MEIOC: variants seen among roughly 807,000 people sequenced by gnomAD.
MEIOC encodes the protein meiosis-specific coiled-coil domain-containing protein MEIOC.
Under a neutral mutation model 85.3 loss-of-function variants are expected in MEIOC, and 9 were observed. The observed-to-expected ratio is 0.11, with a 90% CI of 0.06 to 0.18. MEIOC has a LOEUF of 0.18. Among genes scored for constraint, MEIOC ranks in the 10% least tolerant of loss-of-function variants. The pLI is 1.00. For missense variants in MEIOC, 898 were observed against 1,129.4 expected, an observed-to-expected ratio of 0.80 and a Z score of 2.94; for synonymous variants, 365 against 393.7, an observed-to-expected ratio of 0.93 and a Z score of 0.86.
At chr17:44,676,062 A>AAAAGCTTTCATT (rs1247527870), downstream of MEIOC, 2 of 152,274 alleles carry the variant, frequency 1.3e-5, no homozygotes, top group Non-Finnish European at 2.9e-5. Context: ...CTTTTACATG[A>AAAAGCTTTCATT]TACTGGTCAG....
intron 2 of MEIOC, among the ~76,000 whole-genome samples, chr17:44,657,773 G>A (rs1189472372): frequency 6.6e-6 from 1 of 151,970 alleles, no homozygotes; most frequent in African/African-American, 2.4e-5. Context: ...GGCTGGTCTC[G>A]AACTCCCAAC....
chr17:44,660,816 G>A (rs535752691), intron 2 of MEIOC, among the ~76,000 whole-genome samples: 12 of 151,974 alleles, frequency 7.9e-5, no homozygotes, highest in East Asian at 1.9e-4. Flanking sequence ...CCCAAGGCCC[G>A]GCAAAGTGAC....
intron 2 of MEIOC, 32 bp from the exon 3 acceptor site, chr17:44,662,285 T>G: frequency 1.3e-6 from 2 of 1,491,250 alleles, no homozygotes; most frequent in Non-Finnish European, 1.8e-6. Flanking sequence ...GAAGTTTTGA[T>G]GTGTCTGATA....
At position 44,668,071 on chromosome 17, in the gene MEIOC, T is replaced by G; in HGVS notation, c.2160T>G (p.Pro720=). 1 of 1,613,388 alleles carries G rather than the reference T, an allele frequency of 6.2e-7. No homozygotes were observed. Among genetic ancestry groups the G allele is most frequent in the Non-Finnish European group, 8.5e-7 (1 of 1,179,478 alleles). ...LSYDDLSHLY[P]YFNMMYGDNS... ...ATGATGACTTAAGCCATTTGTACCCTTATTTTAATATGATGTATGGTGATA... is the reference window on the plus strand; with the variant it reads ...ATGATGACTTAAGCCATTTGTACCCGTATTTTAATATGATGTATGGTGATA... The change falls in exon 5 of 8, where the codon CCT becomes CCG. Residue 720 remains proline (P), a synonymous_variant. Coordinates refer to ENST00000409122, the MANE Select transcript of MEIOC (RefSeq NM_001145080.3).
intron 2 of MEIOC, among the ~76,000 whole-genome samples, chr17:44,659,337 A>G (rs1414514874): frequency 1.3e-5 from 2 of 152,224 alleles, no homozygotes; most frequent in Non-Finnish European, 2.9e-5. Context: ...TGCTCTCTGC[A>G]GTGTTTACAT....
At chr17:44,673,642 A>C in intron 7 of MEIOC, 96 bp downstream of exon 7, 5 of 1,000,462 alleles carry the variant, frequency 5.0e-6, no homozygotes, top group Non-Finnish European at 7.2e-6. Flanking sequence ...GATTTCTAAA[A>C]TTAACACTTA....
intron 2 of MEIOC, among the ~76,000 whole-genome samples, chr17:44,657,506 C>A (rs1477886225): frequency 6.6e-6 from 1 of 150,986 alleles, no homozygotes; most frequent in Admixed American, 6.6e-5. Flanking sequence ...GCCTCAGCTT[C>A]CTGAGGCACG....
Position 44,668,239 on chromosome 17 carries a change from A to G in MEIOC, c.2322+6A>G, listed in dbSNP as rs756492936. 1.5e-5 allele frequency: 23 copies of G among 1,584,580 alleles called. 1 individual carries two copies. In the South Asian group the frequency reaches 2.7e-4, roughly 18 times the overall value. On this transcript the variant is annotated splice_donor_region_variant and intron_variant, in intron 5 of 7. Transcript: ENST00000409122. ...TAGAAAAAGAGAGAAAAAAGGTAAC[A>G]CAAAGTTAACCACTTAGGAATAACA...
chr17:44,676,287 A>G (rs1054092568), downstream of MEIOC: 2 of 152,168 alleles, frequency 1.3e-5, no homozygotes, highest in African/African-American at 4.8e-5. Context: ...ACATTATAAA[A>G]CTTTTACAAA....
Position 44,656,486 on chromosome 17 carries a change from G to T in MEIOC, c.-128G>T, listed in dbSNP as rs1316847139. 5.7e-6 allele frequency: 4 copies of T among 707,074 alleles called. No homozygotes were observed. Among genetic ancestry groups the T allele is most frequent in the Non-Finnish European group, 8.4e-6 (4 of 475,262 alleles). 43.8% of individuals were successfully genotyped at this position (707,074 alleles called of 1,614,324 possible). ...TACCCGCACACTGGCTCCAGGCAGC[G>T]CCCGGGCGGCGGAGGCGGCTGCGGA... is the stretch of plus-strand genomic sequence containing the variant. On this transcript the variant is annotated 5_prime_UTR_variant, in exon 1 of 8. Coordinates refer to ENST00000409122, the MANE Select transcript of MEIOC (RefSeq NM_001145080.3).
At chr17:44,676,377 G>GA (rs1972074793), downstream of MEIOC, 1 of 152,074 alleles carries the variant, frequency 6.6e-6, no homozygotes, top group African/African-American at 2.4e-5. Flanking sequence ...CTTTTTAATG[G>GA]AAAAAGCAAA....
At chr17:44,657,644 C>T (rs941925263) in intron 2 of MEIOC, among the ~76,000 whole-genome samples, 4 of 151,668 alleles carry the variant, frequency 2.6e-5, no homozygotes, top group African/African-American at 7.3e-5. Context: ...ACCTCTGCCT[C>T]CGGGGCTCAA....
At chr17:44,658,803 AAAAAAG>A (rs1292660971) in intron 2 of MEIOC, among the ~76,000 whole-genome samples, 1 of 151,710 alleles carries the variant, frequency 6.6e-6, no homozygotes, top group Non-Finnish European at 1.5e-5. Context: ...AAAAAAAAAA[AAAAAAG>A]AAAAAAGAAA....
intron 2 of MEIOC, among the ~76,000 whole-genome samples, chr17:44,659,657 A>G (rs1971818369): frequency 6.6e-6 from 1 of 152,246 alleles, no homozygotes; most frequent in African/African-American, 2.4e-5. Flanking sequence ...AATATTTTCA[A>G]TTTCCAATAC....
At chr17:44,665,510 T>C in intron 4 of MEIOC, 22 bp downstream of exon 4, 1 of 1,278,364 alleles carries the variant, frequency 7.8e-7, no homozygotes, top group Non-Finnish European at 1.1e-6. Flanking sequence ...ATCTATATAG[T>C]ATATAACAGG....
intron 6 of MEIOC, chr17:44,670,262 C>CAAAAAAAAAAAAAAAAA (rs372859968): frequency 1.9e-5 from 2 of 106,496 alleles, no homozygotes; most frequent in Non-Finnish European, 3.6e-5. Flanking sequence ...GATCTTGTCT[C>CAAAAAAAAAAAAAAAAA]AAAAAAAAAA....
At chr17:44,662,595 A>G (rs1015531703) in intron 3 of MEIOC, 124 bp downstream of exon 3, 2 of 703,074 alleles carry the variant, frequency 2.8e-6, no homozygotes, top group Non-Finnish European at 4.5e-6. Context: ...GTGTTTTTCA[A>G]ACTTTTAGGA....
At chr17:44,669,631 G>A (rs1160652076) in intron 6 of MEIOC, 114 bp downstream of exon 6, 23 of 1,033,780 alleles carry the variant, frequency 2.2e-5, no homozygotes, top group African/African-American at 6.4e-5. Flanking sequence ...AGGCCGAGGC[G>A]GGCAGATCAC....
At position 44,666,924 on chromosome 17, in the gene MEIOC, A is replaced by G. The variant is rs1303548330; in HGVS notation, c.1013A>G (p.Lys338Arg). 1 of 1,609,596 alleles carries G rather than the reference A, an allele frequency of 6.2e-7. No homozygotes were observed. The highest frequency in any genetic ancestry group is 1.1e-5 in the South Asian group (1 of 90,436). ...GAGTATGTTCATCCTAATAAGGCTA[A>G]GCTTAATAAATGTTCAAATTTTAGT... ...YPEYVHPNKA[K>R]LNKCSNFSVQ... is the part of the protein sequence containing the mutation. Residue 338 changes from lysine (K) to arginine (R), a missense_variant, in exon 5 of 8, where the codon AAG (lysine) becomes AGG (arginine). Lys to Arg is a conservative substitution (Grantham distance 26, BLOSUM62 2). Around this residue, in one of 2 missense-constraint regions of MEIOC, gnomAD observed 734 missense variants for 860.1 expected, o/e 0.85. Transcript: ENST00000409122.
Sources: allele counts gnomAD v4.1 joint callset (sites outside exome capture counted in the v4.1 genomes callset), GRCh38; gene constraint gnomAD v4.1.1; regional missense constraint gnomAD v4.1.1; transcripts MANE v1.5; gene names NCBI Gene and HGNC (gene_info 2026-07-23, HGNC 2026-07-21).